Variants in DOCK2 observed in about 807,000 individuals in gnomAD.
DOCK2 encodes the protein dedicator of cytokinesis protein 2.
Under a neutral mutation model 248.9 loss-of-function variants are expected in DOCK2, and 87 were observed. That is an observed-to-expected ratio of 0.35 (90% CI 0.29 to 0.42). The LOEUF (loss-of-function observed/expected upper bound fraction) is 0.42, where lower values mean the gene tolerates loss of function less well. Ranked by LOEUF, DOCK2 falls within the 10% of genes least tolerant of loss-of-function variation. DOCK2 has a pLI of 1.00. For synonymous variants in DOCK2, 805 were observed against 821.6 expected, an observed-to-expected ratio of 0.98 and a Z score of 0.35; for missense variants, 1,747 against 2,300.2, an observed-to-expected ratio of 0.76 and a Z score of 4.92.
intron 18 of DOCK2, 46 bp downstream of exon 18, chr5:169,714,257 C>T (rs763587882): frequency 1.6e-5 from 25 of 1,600,226 alleles, no homozygotes; most frequent in Admixed American, 3.4e-5. Context: ...TGTGTGTGTC[C>T]GTGTGTGTGT....
At chr5:170,061,044 A>G (rs1382324715) in intron 44 of DOCK2, among the ~76,000 whole-genome samples, 1 of 152,168 alleles carries the variant, frequency 6.6e-6, no homozygotes, top group Non-Finnish European at 1.5e-5. Context: ...AAAATTAAAA[A>G]AAGAAAAATA....
intron 27 of DOCK2, among the ~76,000 whole-genome samples, chr5:169,919,843 G>C (rs1336346158): frequency 6.6e-6 from 1 of 152,116 alleles, no homozygotes; most frequent in Non-Finnish European, 1.5e-5. Context: ...ATTTGATGAT[G>C]CTTTAAAGGT....
At chr5:169,768,116 G>A (rs978862393) in intron 25 of DOCK2, among the ~76,000 whole-genome samples, 2 of 152,188 alleles carry the variant, frequency 1.3e-5, no homozygotes, top group Non-Finnish European at 2.9e-5. Context: ...GGCTCTTAAT[G>A]ACCTTGGCCT....
Position 169,859,069 on chromosome 5 carries a change from T to C in DOCK2, c.2799+18217T>C, listed in dbSNP as rs137978358. Among the ~76,000 whole-genome samples the C allele has an allele frequency of 3.1e-3, 476 of 152,180 alleles. 2 individuals carry two copies. Among genetic ancestry groups the C allele is most frequent in the African/African-American group, 0.011 (446 of 41,514 alleles). ...AGAGATTGCATGTGGGGAGACCTGT[T>C]GGGGAGGTTCCTGCAGAGGCCAGTT... On this transcript the variant is annotated intron_variant, in intron 27 of 51. Transcript: ENST00000520908.
intron 27 of DOCK2, among the ~76,000 whole-genome samples, chr5:169,917,210 C>T (rs1270220473): frequency 6.6e-6 from 1 of 152,214 alleles, no homozygotes; most frequent in Admixed American, 6.5e-5. Context: ...CCACCTCATT[C>T]TCAGTCATTC....
At chr5:169,665,915 G>C (rs1281664976) in intron 2 of DOCK2, among the ~76,000 whole-genome samples, 1 of 152,142 alleles carries the variant, frequency 6.6e-6, no homozygotes, top group Non-Finnish European at 1.5e-5. Context: ...ATTGGTATTT[G>C]AGATGTGAAA....
At chr5:169,674,013 C>T (rs954863213) in intron 5 of DOCK2, among the ~76,000 whole-genome samples, 4 of 152,234 alleles carry the variant, frequency 2.6e-5, no homozygotes, top group African/African-American at 7.2e-5. Flanking sequence ...TCGTAGCATT[C>T]CTGTTCAATA....
intron 36 of DOCK2, among the ~76,000 whole-genome samples, chr5:170,038,355 T>G (rs1756392470): frequency 6.6e-6 from 1 of 152,202 alleles, no homozygotes; most frequent in African/African-American, 2.4e-5. Flanking sequence ...CGTAGTAATC[T>G]AAGAAAACCA....
At chr5:169,913,805 G>T (rs1035404191) in intron 27 of DOCK2, among the ~76,000 whole-genome samples, 3 of 152,108 alleles carry the variant, frequency 2.0e-5, no homozygotes, top group Non-Finnish European at 2.9e-5. Context: ...TAGATGCTTC[G>T]CTATTAGAAT....
At chr5:170,065,976 G>T (rs1412350736) in intron 44 of DOCK2, among the ~76,000 whole-genome samples, 1 of 132,046 alleles carries the variant, frequency 7.6e-6, no homozygotes, top group African/African-American at 3.1e-5. Flanking sequence ...TTTTGAGACA[G>T]AGTCTCGCTC....
At chr5:169,704,076 G>A (rs264843) in intron 14 of DOCK2, 133,540 of 152,218 alleles carry the variant, frequency 0.88, 58,776 homozygotes, top group East Asian at 0.98. Context: ...AGATGAGTAG[G>A]TAAGCAGGTA....
At chr5:169,818,844 G>A (rs188669136) in intron 26 of DOCK2, among the ~76,000 whole-genome samples, 93 of 152,150 alleles carry the variant, frequency 6.1e-4, no homozygotes, top group African/African-American at 2.0e-3. Context: ...TTTCAGGTGA[G>A]TGAATATAAA....
intron 44 of DOCK2, among the ~76,000 whole-genome samples, chr5:170,066,318 T>G (rs960320993): frequency 2.0e-5 from 3 of 152,116 alleles, no homozygotes; most frequent in African/African-American, 7.2e-5. Flanking sequence ...ACAAGGTCAT[T>G]ATATAGTGAC....
chr5:169,889,976 C>T (rs1196452243), intron 27 of DOCK2, among the ~76,000 whole-genome samples: 2 of 151,018 alleles, frequency 1.3e-5, no homozygotes, highest in African/African-American at 5.0e-5. Context: ...TTACTGTTTA[C>T]ACCACACTTT....
intron 29 of DOCK2, among the ~76,000 whole-genome samples, chr5:169,995,339 G>A (rs980353494): frequency 1.3e-5 from 2 of 152,160 alleles, no homozygotes; most frequent in Non-Finnish European, 2.9e-5. Flanking sequence ...CATTTGAACA[G>A]TATTATTACT....
rs184067150 is a variant in DOCK2, at chr5:169,795,402, C to T, written c.2555-7656C>T. On this transcript the variant is annotated intron_variant, in intron 25 of 51. Coordinates refer to ENST00000520908, the MANE Select transcript of DOCK2 (RefSeq NM_004946.3). ...CCCCGAGGGGTTCATAAAGTGGAGA[C>T]GTAGATGGCGCCGGAGGCTCGCCAG... Among the ~76,000 whole-genome samples, 91 of 152,096 alleles carry T rather than the reference C, an allele frequency of 6.0e-4. 3 individuals carry two copies. In the South Asian group the frequency reaches 0.018, roughly 30 times the overall value.
At chr5:169,911,976 C>G (rs937603928) in intron 27 of DOCK2, among the ~76,000 whole-genome samples, 1 of 152,142 alleles carries the variant, frequency 6.6e-6, no homozygotes, top group African/African-American at 2.4e-5. Flanking sequence ...AAATTGTTCT[C>G]TCTAGAATGA....
intron 33 of DOCK2, among the ~76,000 whole-genome samples, chr5:170,025,427 T>G (rs575257481): frequency 6.6e-6 from 1 of 152,320 alleles, no homozygotes; most frequent in South Asian, 2.1e-4. Context: ...GTCTGGCCCT[T>G]TACAGGAAAT....
At chr5:169,751,256 G>A (rs1763881917) in intron 23 of DOCK2, among the ~76,000 whole-genome samples, 1 of 152,202 alleles carries the variant, frequency 6.6e-6, no homozygotes, top group South Asian at 2.1e-4. Context: ...TGTTACACAA[G>A]ACTAAATAGT....
Sources: gnomAD v4.1 joint callset for allele counts (sites outside exome capture counted in the v4.1 genomes callset) on GRCh38, gnomAD v4.1.1 for gene constraint, MANE v1.5 for transcripts, NCBI Gene and HGNC (gene_info 2026-07-23, HGNC 2026-07-21) for gene names.